SOX5: variants seen among roughly 807,000 people sequenced by gnomAD.
The protein encoded by SOX5 is transcription factor SOX-5.
In SOX5, 9 loss-of-function variants were observed where a neutral mutation model predicts 92.0. The observed-to-expected ratio is 0.10, with a 90% CI of 0.06 to 0.17. SOX5 has a LOEUF of 0.17. Ranked by LOEUF, SOX5 falls within the 10% of genes least tolerant of loss-of-function variation. The pLI, the probability that SOX5 is intolerant of heterozygous loss-of-function variation, is 1.00. For synonymous variants in SOX5, 344 were observed against 336.3 expected, an observed-to-expected ratio of 1.02 and a Z score of -0.25; for missense variants, 642 against 944.5, an observed-to-expected ratio of 0.68 and a Z score of 4.20.
chr12:23,961,208 G>A (rs1946891344), intron 4 of SOX5, among the ~76,000 whole-genome samples: 1 of 151,974 alleles, frequency 6.6e-6, no homozygotes, highest in Non-Finnish European at 1.5e-5. Context: ...TCTTAAATTA[G>A]AATTTTAGTT....
At chr12:24,037,464 C>A (rs964367675) in intron 4 of SOX5, among the ~76,000 whole-genome samples, 2 of 151,988 alleles carry the variant, frequency 1.3e-5, no homozygotes, top group African/African-American at 4.8e-5. Context: ...ATAGATAAAA[C>A]AAACAGATAA....
chr12:23,986,024 A>C (rs1950028975), intron 4 of SOX5, among the ~76,000 whole-genome samples: 1 of 152,158 alleles, frequency 6.6e-6, no homozygotes, highest in Non-Finnish European at 1.5e-5. Flanking sequence ...TACATTGGGC[A>C]CATCAGGATA....
At chr12:24,522,740 A>G (rs1950369429) in intron 1 of SOX5, among the ~76,000 whole-genome samples, 1 of 152,212 alleles carries the variant, frequency 6.6e-6, no homozygotes, top group Non-Finnish European at 1.5e-5. Context: ...ACAACTGTCA[A>G]CAAACTAGGA....
intron 11 of SOX5, among the ~76,000 whole-genome samples, chr12:23,559,304 C>G (rs1220996515): frequency 6.6e-6 from 1 of 152,042 alleles, no homozygotes; most frequent in African/African-American, 2.4e-5. Flanking sequence ...CTTTTTCACC[C>G]ACAACACTAA....
At chr12:24,079,738 C>T (rs1483884924) in intron 4 of SOX5, among the ~76,000 whole-genome samples, 1 of 151,810 alleles carries the variant, frequency 6.6e-6, no homozygotes, top group African/African-American at 2.4e-5. Context: ...GGAGATCAAT[C>T]AGTCCTTTGG....
intron 3 of SOX5, among the ~76,000 whole-genome samples, chr12:24,234,071 C>T (rs1427982908): frequency 6.6e-6 from 1 of 152,176 alleles, no homozygotes; most frequent in Admixed American, 6.5e-5. Context: ...CTCATACTTC[C>T]TATTGTGCTA....
chr12:23,839,681 G>A (rs1232727026), intron 3 of SOX5, among the ~76,000 whole-genome samples: 1 of 151,954 alleles, frequency 6.6e-6, no homozygotes, highest in Admixed American at 6.6e-5. Flanking sequence ...AGCCTGGTTT[G>A]GCATTTTAAA....
At chr12:24,016,735 G>C (rs1201535675) in intron 4 of SOX5, among the ~76,000 whole-genome samples, 1 of 152,136 alleles carries the variant, frequency 6.6e-6, no homozygotes, top group Non-Finnish European at 1.5e-5. Context: ...ACTTGCATAG[G>C]ACTACCAACC....
chr12:23,638,720 A>C (rs985865787), intron 8 of SOX5, among the ~76,000 whole-genome samples: 25 of 152,120 alleles, frequency 1.6e-4, no homozygotes, highest in Middle Eastern at 6.3e-3. Context: ...GGCTGAAGTC[A>C]AGGTCAAGGG....
intron 1 of SOX5, among the ~76,000 whole-genome samples, chr12:24,408,605 C>T (rs1018673150): frequency 1.3e-5 from 2 of 152,168 alleles, no homozygotes; most frequent in East Asian, 1.9e-4. Flanking sequence ...AATTTCTTCA[C>T]TTCAAAAGTA....
At chr12:24,313,096 A>T (rs1186338228) in intron 2 of SOX5, among the ~76,000 whole-genome samples, 1 of 152,160 alleles carries the variant, frequency 6.6e-6, no homozygotes, top group Non-Finnish European at 1.5e-5. Context: ...AAGAAGTTAC[A>T]TGCTCACTGG....
At chr12:23,564,022 A>G (rs1388057780) in intron 10 of SOX5, among the ~76,000 whole-genome samples, 1 of 152,186 alleles carries the variant, frequency 6.6e-6, no homozygotes, top group Non-Finnish European at 1.5e-5. Flanking sequence ...AATTTCAAGC[A>G]CAGAATGTAA....
At chr12:23,666,768 C>A (rs551896438) in intron 6 of SOX5, among the ~76,000 whole-genome samples, 1 of 152,172 alleles carries the variant, frequency 6.6e-6, no homozygotes, top group South Asian at 2.1e-4. Context: ...ATCTATGAAG[C>A]CTTGATTATA....
At chr12:24,242,622 T>C (rs1308846854) in intron 3 of SOX5, among the ~76,000 whole-genome samples, 1 of 149,192 alleles carries the variant, frequency 6.7e-6, no homozygotes, top group East Asian at 2.0e-4. Flanking sequence ...ATCAAAGAAA[T>C]GCAAATGAAA....
chr12:23,754,305 A>G (rs1030453598), intron 4 of SOX5, among the ~76,000 whole-genome samples: 1 of 151,896 alleles, frequency 6.6e-6, no homozygotes, highest in African/African-American at 2.4e-5. Context: ...TACCTAGGTC[A>G]GAGGAGAATA....
intron 7 of SOX5, among the ~76,000 whole-genome samples, chr12:23,645,465 C>T (rs933980976): frequency 6.6e-6 from 1 of 152,080 alleles, no homozygotes; most frequent in Non-Finnish European, 1.5e-5. Context: ...TTTTAAGAAG[C>T]CTCATTAAAG....
intron 3 of SOX5, among the ~76,000 whole-genome samples, chr12:23,787,822 T>C (rs556765903): frequency 6.6e-6 from 1 of 152,008 alleles, no homozygotes; most frequent in Non-Finnish European, 1.5e-5. Context: ...ATAAAATTCA[T>C]GACACTGTAG....
Position 23,672,594 on chromosome 12 carries a change from A to G in SOX5, c.811-7030T>C, listed in dbSNP as rs535863809. ...CACAGTGCAATTTTCTCTCCAAACT[A>G]CTACTACAATAATACCTCCACTTTA... is the stretch of plus-strand genomic sequence containing the variant. On this transcript the variant is annotated intron_variant, in intron 6 of 14. Transcript: ENST00000451604. Among the ~76,000 whole-genome samples the G allele has an allele frequency of 1.9e-4, 29 of 152,246 alleles. 1 individual carries two copies. The highest frequency in any genetic ancestry group is 6.5e-4 in the African/African-American group (27 of 41,564).
At position 24,419,008 on chromosome 12, in the gene SOX5, C is replaced by T. The variant is rs182350629; in HGVS notation, c.-250-50369G>A. Among the ~76,000 whole-genome samples the T allele has an allele frequency of 3.1e-3, 470 of 152,216 alleles. 1 individual carries two copies. The highest frequency in any genetic ancestry group is 5.8e-3 in the Non-Finnish European group (394 of 68,010). ...CCAGAAATTTCTGTCAAAAGAGGAT[C>T]CTCCAAAATTATAGCACAACAAATG... On this transcript the variant is annotated intron_variant, in intron 1 of 4. Coordinates refer to the SOX5 transcript ENST00000446891.
Sources: gnomAD v4.1 joint callset for allele counts (sites outside exome capture counted in the v4.1 genomes callset) on GRCh38, gnomAD v4.1.1 for gene constraint, MANE v1.5 for transcripts, NCBI Gene and HGNC (gene_info 2026-07-23, HGNC 2026-07-21) for gene names.